SPAG16: variants seen among roughly 807,000 people sequenced by gnomAD.
SPAG16 encodes sperm-associated antigen 16 protein.
Under a neutral mutation model 80.4 loss-of-function variants are expected in SPAG16, and 86 were observed. The observed-to-expected ratio is 1.07, with a 90% CI of 0.90 to 1.28. SPAG16 has a LOEUF of 1.28. SPAG16 is among the 50% of genes most tolerant of loss of function. The probability of loss-of-function intolerance (pLI) is 0.00; values close to 1 mark genes in which losing one functional copy is unlikely to be tolerated. For missense variants in SPAG16, 870 were observed against 765.3 expected (o/e 1.14, Z -1.61); for synonymous variants, 294 against 265.9 (o/e 1.11, Z -1.03).
intron 9 of SPAG16, among the ~76,000 whole-genome samples, chr2:213,463,038 G>T (rs940589529): frequency 6.6e-6 from 1 of 152,192 alleles, no homozygotes; most frequent in African/African-American, 2.4e-5. Context: ...TAGTAATGAA[G>T]TCCAGGCTGA....
intron 15 of SPAG16, among the ~76,000 whole-genome samples, chr2:214,172,488 T>G (rs1478725812): frequency 1.3e-5 from 2 of 152,166 alleles, no homozygotes; most frequent in African/African-American, 4.8e-5. Context: ...ATTTTCTTAA[T>G]ACAGTCTATC....
At chr2:213,288,010 A>G (rs759339959) in intron 1 of SPAG16, among the ~76,000 whole-genome samples, 2 of 152,156 alleles carry the variant, frequency 1.3e-5, no homozygotes, top group African/African-American at 2.4e-5. Context: ...GGCTCGAGCA[A>G]TCTTCCCACC....
intron 9 of SPAG16, among the ~76,000 whole-genome samples, chr2:213,444,119 C>A (rs1324983461): frequency 6.6e-6 from 1 of 152,292 alleles, no homozygotes; most frequent in Admixed American, 6.5e-5. Flanking sequence ...TAGGGAGACA[C>A]AAACGCTGAA....
At chr2:213,419,379 A>C (rs1349191837) in intron 9 of SPAG16, among the ~76,000 whole-genome samples, 1 of 152,046 alleles carries the variant, frequency 6.6e-6, no homozygotes, top group Non-Finnish European at 1.5e-5. Context: ...CACGCTCCTC[A>C]TTATGCTGCC....
chr2:213,539,943 A>G (rs2076375303), intron 10 of SPAG16, among the ~76,000 whole-genome samples: 1 of 152,214 alleles, frequency 6.6e-6, no homozygotes, highest in Admixed American at 6.5e-5. Context: ...GTGTGTTGTA[A>G]TCGCCTTGGT....
In SPAG16 at chr2:214,059,234, ATATATATGTATG is replaced by A. The variant is rs1459165050; in HGVS notation, c.1527+45165_1527+45176del. 6.2e-4 allele frequency among the ~76,000 whole-genome samples: 74 copies of A among 119,480 alleles called. 1 individual carries two copies. The East Asian group carries it at 0.014, about 23-fold the overall frequency. 78.4% of individuals were successfully genotyped at this position (119,480 alleles called of 152,430 possible). A position where few individuals can be genotyped will look rare whatever the true frequency, so the allele number is the denominator to read the frequency against. ...TATATATGTATGTGTATATATATAT[ATATATATGTATG>A]TATATATATGTATGTATATATATAT... is the stretch of plus-strand genomic sequence containing the variant. On this transcript the variant is annotated intron_variant, in intron 13 of 15. Transcript: ENST00000331683.
chr2:213,893,980 CTT>C (rs2076892652), intron 11 of SPAG16, among the ~76,000 whole-genome samples: 1 of 152,064 alleles, frequency 6.6e-6, no homozygotes, highest in Admixed American at 6.6e-5. Flanking sequence ...AGAAACAAGA[CTT>C]TATGCTGCCT....
At chr2:214,002,815 T>C (rs2124888152) in intron 12 of SPAG16, among the ~76,000 whole-genome samples, 1 of 152,314 alleles carries the variant, frequency 6.6e-6, no homozygotes, top group Non-Finnish European at 1.5e-5. Flanking sequence ...CCTCTTACAT[T>C]GGCGAGGGAC....
At chr2:213,623,291 T>A (rs1272287880) in intron 10 of SPAG16, among the ~76,000 whole-genome samples, 1 of 152,140 alleles carries the variant, frequency 6.6e-6, no homozygotes, top group Non-Finnish European at 1.5e-5. Context: ...TGTAGGAAAC[T>A]TTTTTTCACT....
chr2:213,698,744 G>T (rs1205431629), intron 10 of SPAG16, among the ~76,000 whole-genome samples: 1 of 152,122 alleles, frequency 6.6e-6, no homozygotes, highest in Non-Finnish European at 1.5e-5. Context: ...AGGCTCTCTT[G>T]TCCTGCTCCA....
intron 10 of SPAG16, among the ~76,000 whole-genome samples, chr2:213,828,755 A>G (rs2073449567): frequency 6.6e-6 from 1 of 152,230 alleles, no homozygotes; most frequent in African/African-American, 2.4e-5. Context: ...GAGTACCCAA[A>G]GCCCCGTAAA....
chr2:214,169,833 A>G (rs2056806756), intron 15 of SPAG16, among the ~76,000 whole-genome samples: 1 of 152,040 alleles, frequency 6.6e-6, no homozygotes, highest in Non-Finnish European at 1.5e-5. Context: ...CTTGGTGATG[A>G]ACAAGTTAAT....
intron 13 of SPAG16, among the ~76,000 whole-genome samples, chr2:214,070,847 A>C (rs968166445): frequency 1.3e-5 from 2 of 152,032 alleles, no homozygotes; most frequent in African/African-American, 4.8e-5. Flanking sequence ...AATGTTATGC[A>C]GTTTTCTTTT....
chr2:214,230,118 GCCT>G (rs1490644439), intron 15 of SPAG16, among the ~76,000 whole-genome samples: 2 of 151,794 alleles, frequency 1.3e-5, no homozygotes, highest in African/African-American at 4.8e-5. Context: ...TTAATATTCA[GCCT>G]CCTCATTTTA....
intron 10 of SPAG16, among the ~76,000 whole-genome samples, chr2:213,601,922 C>T (rs1435717840): frequency 6.6e-6 from 1 of 152,172 alleles, no homozygotes; most frequent in Non-Finnish European, 1.5e-5. Context: ...GGGATGGTTT[C>T]TGGATGAAAC....
intron 15 of SPAG16, among the ~76,000 whole-genome samples, chr2:214,362,319 A>C (rs1699235696): frequency 6.6e-6 from 1 of 151,904 alleles, no homozygotes; most frequent in Non-Finnish European, 1.5e-5. Context: ...CACATTGAGG[A>C]GCTGAAGCAA....
intron 10 of SPAG16, among the ~76,000 whole-genome samples, chr2:213,839,315 C>A (rs915564038): frequency 1.3e-5 from 2 of 152,128 alleles, no homozygotes; most frequent in Non-Finnish European, 2.9e-5. Flanking sequence ...AAAGAAAATA[C>A]TTGCATTGTA....
intron 15 of SPAG16, among the ~76,000 whole-genome samples, chr2:214,259,376 A>G (rs982001258): frequency 2.0e-5 from 3 of 150,316 alleles, no homozygotes; most frequent in African/African-American, 7.3e-5. Flanking sequence ...ATATATGTAT[A>G]TAACATAGTG....
At chr2:213,344,963 T>G (rs1167181503) in intron 6 of SPAG16, among the ~76,000 whole-genome samples, 1 of 152,220 alleles carries the variant, frequency 6.6e-6, no homozygotes, top group African/African-American at 2.4e-5. Flanking sequence ...CACACTGACT[T>G]CCACAATGGT....
Sources: allele counts gnomAD v4.1 joint callset (sites outside exome capture counted in the v4.1 genomes callset), GRCh38; gene constraint gnomAD v4.1.1; transcripts MANE v1.5; gene names NCBI Gene and HGNC (gene_info 2026-07-23, HGNC 2026-07-21).